The following ASB3 variants were observed in gnomAD, a reference collection of about 807,000 sequenced individuals.
ASB3 encodes the protein ankyrin repeat and SOCS box containing 3.
ASB3 carries 41 observed loss-of-function variants against 54.5 expected under a neutral mutation model. The observed-to-expected ratio is 0.75, with a 90% CI of 0.59 to 0.98. The LOEUF (loss-of-function observed/expected upper bound fraction) is 0.98, where lower values mean the gene tolerates loss of function less well. ASB3 is among the 50% of genes least tolerant of loss of function. The pLI is 0.00. For synonymous variants in ASB3, 266 were observed against 221.2 expected, an observed-to-expected ratio of 1.20 and a Z score of -1.80; for missense variants, 733 against 620.0, an observed-to-expected ratio of 1.18 and a Z score of -1.94.
intron 2 of ASB3, among the ~76,000 whole-genome samples, chr2:53,758,117 A>G (rs1339850742): frequency 1.3e-5 from 2 of 152,248 alleles, no homozygotes; most frequent in African/African-American, 4.8e-5. Context: ...TTTAAAACCT[A>G]TAATTGATAA....
chr2:53,683,802 G>T (rs1315521608), intron 9 of ASB3, among the ~76,000 whole-genome samples: 1 of 151,926 alleles, frequency 6.6e-6, no homozygotes, highest in East Asian at 1.9e-4. Context: ...TACGGTATCG[G>T]TTATAATGTC....
In ASB3 at chr2:53,707,767, G is replaced by C. The variant is rs145679553; in HGVS notation, c.980+6617C>G. Among the ~76,000 whole-genome samples the C allele has an allele frequency of 7.9e-3, 1,196 of 151,400 alleles. 17 individuals are homozygous for C. Among genetic ancestry groups the C allele is most frequent in the African/African-American group, 0.027 (1,123 of 41,268 alleles). The stretch of plus-strand genomic sequence containing the variant: ...ACTTGAGCTTACGAGTTATAGACCA[G>C]CTTGGCCAACATGGTGAAACCCCAT... On this transcript the variant is annotated intron_variant, in intron 7 of 9. Transcript: ENST00000263634.
At chr2:53,727,112 G>C (rs1671045768) in intron 5 of ASB3, among the ~76,000 whole-genome samples, 1 of 152,186 alleles carries the variant, frequency 6.6e-6, no homozygotes, top group African/African-American at 2.4e-5. Flanking sequence ...CAGGAAACGA[G>C]TCTAGATCTT....
intron 5 of ASB3, among the ~76,000 whole-genome samples, chr2:53,720,305 A>T (rs1405656250): frequency 6.6e-6 from 1 of 152,192 alleles, no homozygotes; most frequent in Non-Finnish European, 1.5e-5. Flanking sequence ...TGCCCCAACC[A>T]CTTTGGGCAT....
At chr2:53,735,564 A>C (rs1438611336) in intron 3 of ASB3, among the ~76,000 whole-genome samples, 1 of 152,078 alleles carries the variant, frequency 6.6e-6, no homozygotes, top group Non-Finnish European at 1.5e-5. Context: ...ATTCTCCCCA[A>C]AACAATCTAA....
intron 9 of ASB3, among the ~76,000 whole-genome samples, chr2:53,682,863 A>G (rs1668449285): frequency 6.6e-6 from 1 of 152,204 alleles, no homozygotes; most frequent in Admixed American, 6.5e-5. Context: ...CATCAGTTCT[A>G]ATAGGTTTTT....
At chr2:53,710,448 C>T (rs1212067460) in intron 7 of ASB3, among the ~76,000 whole-genome samples, 1 of 152,182 alleles carries the variant, frequency 6.6e-6, no homozygotes, top group African/African-American at 2.4e-5. Flanking sequence ...TTTCAATTAT[C>T]TGATATTTCT....
intron 7 of ASB3, among the ~76,000 whole-genome samples, 182 bp downstream of exon 7, chr2:53,714,202 T>C (rs1462975970): frequency 2.0e-5 from 3 of 152,208 alleles, no homozygotes; most frequent in East Asian, 1.9e-4. Context: ...CAATGTGATA[T>C]TATCACCTCA....
chr2:53,707,028 T>C (rs1180411668), intron 7 of ASB3, among the ~76,000 whole-genome samples: 1 of 152,192 alleles, frequency 6.6e-6, no homozygotes, highest in Non-Finnish European at 1.5e-5. Context: ...TCTTTTGCTG[T>C]GAATAAATAA....
intron 1 of ASB3, chr2:53,775,146 G>T (rs1674241977): frequency 6.6e-6 from 1 of 152,390 alleles, no homozygotes. Context: ...TTACTATATG[G>T]AAAATAACTC....
At chr2:53,755,732 G>C (rs960234540) in intron 2 of ASB3, among the ~76,000 whole-genome samples, 1 of 152,254 alleles carries the variant, frequency 6.6e-6, no homozygotes, top group Non-Finnish European at 1.5e-5. Flanking sequence ...GAAGAAGTCA[G>C]TGAAGAGGAA....
chr2:53,783,671 G>C (rs1674777673), intron 1 of ASB3, among the ~76,000 whole-genome samples: 2 of 152,144 alleles, frequency 1.3e-5, no homozygotes, highest in African/African-American at 4.8e-5. Flanking sequence ...AGATACACTA[G>C]ACACAAAAAG....
intron 1 of ASB3, chr2:53,774,472 G>GC: frequency 6.3e-7 from 1 of 1,588,248 alleles, no homozygotes; most frequent in Non-Finnish European, 8.5e-7. Context: ...TTTCGCTTTG[G>GC]AAAAATTAGT....
At chr2:53,750,631 C>T (rs1672463452) in intron 3 of ASB3, 152 bp downstream of exon 3, 2 of 886,864 alleles carry the variant, frequency 2.3e-6, no homozygotes. Flanking sequence ...TTAAAAATAT[C>T]TTTTCAGTTT....
At chr2:53,737,690 T>C (rs1053610817) in intron 3 of ASB3, among the ~76,000 whole-genome samples, 14 of 145,540 alleles carry the variant, frequency 9.6e-5, no homozygotes, top group African/African-American at 3.3e-4. Flanking sequence ...CAAGCTTTTG[T>C]GTATGTGAAA....
intron 7 of ASB3, among the ~76,000 whole-genome samples, chr2:53,712,655 G>A (rs1245190841): frequency 1.3e-5 from 2 of 152,088 alleles, no homozygotes; most frequent in Non-Finnish European, 2.9e-5. Flanking sequence ...AGGTGATGAG[G>A]CGTGAGCTTA....
At chr2:53,781,924 T>C (rs2104221702) in intron 1 of ASB3, among the ~76,000 whole-genome samples, 1 of 152,356 alleles carries the variant, frequency 6.6e-6, no homozygotes, top group South Asian at 2.1e-4. Flanking sequence ...GCCCAATTTT[T>C]TCAACAGCAT....
intron 2 of ASB3, among the ~76,000 whole-genome samples, chr2:53,751,394 T>C (rs1672503487): frequency 6.6e-6 from 1 of 152,218 alleles, no homozygotes; most frequent in South Asian, 2.1e-4. Flanking sequence ...GAGGCAGTTT[T>C]AAATACTCCT....
chr2:53,695,972 T>A (rs1669161345), intron 8 of ASB3, among the ~76,000 whole-genome samples: 1 of 152,178 alleles, frequency 6.6e-6, no homozygotes, highest in Non-Finnish European at 1.5e-5. Context: ...AATCAAAATC[T>A]ACTTTAACAA....
Sources: gnomAD v4.1 joint callset for allele counts (sites outside exome capture counted in the v4.1 genomes callset) on GRCh38, gnomAD v4.1.1 for gene constraint, MANE v1.5 for transcripts, NCBI Gene and HGNC (gene_info 2026-07-23, HGNC 2026-07-21) for gene names.